Variants in ACAD11 observed in about 807,000 individuals in gnomAD.
ACAD11 encodes acyl-Coenzyme A dehydrogenase family, member 11.
ACAD11 carries 83 observed loss-of-function variants against 102.2 expected under a neutral mutation model. That is an observed-to-expected ratio of 0.81 (90% CI 0.68 to 0.97). ACAD11 has a LOEUF of 0.97. Ranked by LOEUF, ACAD11 falls within the 50% of genes least tolerant of loss-of-function variation. The pLI, the probability that ACAD11 is intolerant of heterozygous loss-of-function variation, is 0.00. For synonymous variants in ACAD11, 324 were observed against 319.8 expected, an observed-to-expected ratio of 1.01 and a Z score of -0.14; for missense variants, 901 against 951.7, an observed-to-expected ratio of 0.95 and a Z score of 0.70.
At chr3:132,605,299 T>C in intron 11 of ACAD11, 94 bp from the exon 12 acceptor site, 3 of 721,144 alleles carry the variant, frequency 4.2e-6, no homozygotes, top group Non-Finnish European at 6.7e-6. Context: ...TGCATCTTTT[T>C]AAAGCAAATG....
rs1940404800 is a variant in ACAD11 at position 132,639,553 on chromosome 3, T to C, written c.641A>G (p.Asn214Ser). 2.5e-6 allele frequency: 4 copies of C among 1,613,968 alleles called. No homozygotes were observed. The highest frequency in any genetic ancestry group is 1.1e-5 in the South Asian group (1 of 91,056). ...ATCTCCATGAATCAAATTCTCTTCATTGTCATTATCGGGCAAGTTCTTCAT... is the reference window on the plus strand; with the variant it reads ...ATCTCCATGAATCAAATTCTCTTCACTGTCATTATCGGGCAAGTTCTTCAT... The part of the protein sequence containing the change: ...WLMKNLPDND[N>S]EENLIHGDFR... The change falls in exon 5 of 20, where the codon AAT becomes AGT. Residue 214 changes from asparagine (N) to serine (S), a missense_variant. Asn to Ser is a conservative substitution (Grantham distance 46). Transcript: ENST00000264990.
chr3:132,578,877 T>G lies in ACAD11; in HGVS notation c.1693A>C (p.Lys565Gln). ...GGAACAAGAATCATGCTGTGCTGTT[T>G]GTGTCTAGTCAAAAGAAAAATTGTA... ...RTQNTSLSRH[K>Q]QHSMILVPMN... The change falls in exon 15 of 20, where the codon AAA becomes CAA. Residue 565 changes from lysine to glutamine, a missense_variant. Physicochemically the swap from Lys to Gln is moderately conservative, Grantham distance 53. Transcript: ENST00000264990. 6.2e-7 allele frequency: 1 copy of G among 1,612,274 alleles called. No individual in the cohort carries two copies. The highest frequency in any genetic ancestry group is 8.5e-7 in the Non-Finnish European group (1 of 1,178,894).
intron 11 of ACAD11, among the ~76,000 whole-genome samples, chr3:132,609,902 C>T (rs1939044624): frequency 6.6e-6 from 1 of 152,098 alleles, no homozygotes; most frequent in African/African-American, 2.4e-5. Flanking sequence ...AAACCAAATC[C>T]AGCAACACAT....
At chr3:132,607,602 C>T (rs1938905693) in intron 11 of ACAD11, among the ~76,000 whole-genome samples, 3 of 152,072 alleles carry the variant, frequency 2.0e-5, no homozygotes, top group South Asian at 4.1e-4. Context: ...ATGAACAAAG[C>T]CTCCAAAAAA....
chr3:132,562,486 T>C (rs1467779030), intron 17 of ACAD11, among the ~76,000 whole-genome samples: 2 of 152,208 alleles, frequency 1.3e-5, no homozygotes, highest in African/African-American at 4.8e-5. Context: ...AGTAGAATTG[T>C]TGGGTCAGTG....
chr3:132,571,144 A>T (rs1937363574), intron 17 of ACAD11, among the ~76,000 whole-genome samples: 1 of 152,098 alleles, frequency 6.6e-6, no homozygotes, highest in South Asian at 2.1e-4. Context: ...CTTTTTCTCC[A>T]CAACCTCACC....
At chr3:132,603,393 T>C (rs1938699740) in intron 12 of ACAD11, 66 bp from the exon 13 acceptor site, 5 of 1,417,476 alleles carry the variant, frequency 3.5e-6, no homozygotes, top group East Asian at 2.3e-5. Flanking sequence ...GATAAGGATA[T>C]GAAAACTTTA....
chr3:132,588,866 T>C (rs777737354), intron 13 of ACAD11, among the ~76,000 whole-genome samples: 10 of 152,224 alleles, frequency 6.6e-5, no homozygotes, highest in Non-Finnish European at 1.3e-4. Context: ...TACAGAAATA[T>C]GTCCTTTTGA....
Position 132,590,536 on chromosome 3 carries a change from C to T in ACAD11, c.1622-10978G>A, listed in dbSNP as rs551861641. 5.3e-5 allele frequency among the ~76,000 whole-genome samples: 8 copies of T among 152,300 alleles called. No homozygotes were observed. The East Asian group carries it at 7.7e-4, about 15-fold the overall frequency. On this transcript the variant is annotated intron_variant, in intron 13 of 19. Transcript: ENST00000264990. Reference sequence around the variant, plus strand: ...TGCTGGGATTACAGGCATGATCCACCGTGCCCGGCCAGTAGTTCTGTATTT... The same window carrying T: ...TGCTGGGATTACAGGCATGATCCACTGTGCCCGGCCAGTAGTTCTGTATTT...
chr3:132,591,817 G>T (rs549616327), intron 13 of ACAD11, among the ~76,000 whole-genome samples: 1 of 152,170 alleles, frequency 6.6e-6, no homozygotes, highest in East Asian at 1.9e-4. Flanking sequence ...CTTGAGCCCC[G>T]GGAAGTCAAG....
At chr3:132,606,601 C>T (rs1265489773) in intron 11 of ACAD11, among the ~76,000 whole-genome samples, 1 of 152,216 alleles carries the variant, frequency 6.6e-6, no homozygotes, top group Non-Finnish European at 1.5e-5. Context: ...CTGGGCAGGG[C>T]ATCTCTAAAA....
At chr3:132,566,891 A>C (rs1937230524) in intron 17 of ACAD11, among the ~76,000 whole-genome samples, 1 of 152,216 alleles carries the variant, frequency 6.6e-6, no homozygotes, top group African/African-American at 2.4e-5. Context: ...CTTCTCTAAA[A>C]TTTTCTAAAG....
intron 5 of ACAD11, among the ~76,000 whole-genome samples, chr3:132,632,292 C>T (rs955125590): frequency 7.2e-5 from 11 of 151,846 alleles, no homozygotes; most frequent in African/African-American, 2.2e-4. Context: ...TCACCATGTT[C>T]GCCAGGATGG....
rs937886635 is a variant in ACAD11, at chr3:132,575,677, T to C, written c.2001+95A>G. 7 of 1,445,844 alleles carry C rather than the reference T, an allele frequency of 4.8e-6. No individual in the cohort carries two copies. In the African/African-American group the frequency reaches 5.6e-5, roughly 12 times the overall value. The allele number at this position is 1,445,844 out of a possible 1,614,324, so 89.6% of individuals were successfully genotyped here. On this transcript the variant is annotated intron_variant, in intron 17 of 19. Transcript: ENST00000264990. ...TTATTGAAAAGAATCACCCGGTTCA[T>C]GTAGAGAAAGTCTGTCTCTCACAAG...
rs539169735 is a variant in ACAD11, at chr3:132,577,930, T to A, written c.1774+866A>T. ...ATGCAATTTTCTCCAGCAAGCTTGC[T>A]CATCCCATCTTGCCACCTATGCTTA... On this transcript the variant is annotated intron_variant, in intron 15 of 19. Transcript: ENST00000264990. Among the ~76,000 whole-genome samples, 5 of 152,338 alleles carry A rather than the reference T, an allele frequency of 3.3e-5. No individual in the cohort carries two copies. The East Asian group carries it at 9.6e-4, about 29-fold the overall frequency.
Position 132,577,030 on chromosome 3 carries a change from A to G in ACAD11, c.1775-15T>C, listed in dbSNP as rs1937534041. On this transcript the variant is annotated splice_polypyrimidine_tract_variant and intron_variant, in intron 15 of 19. Transcript: ENST00000264990. The stretch of plus-strand genomic sequence containing the variant: ...ATGAAAATTATCTATAAAATAGAAA[A>G]TAAAATTTAGAGCAAAAGGAGTTGA... 6.5e-7 allele frequency: 1 copy of G among 1,537,508 alleles called. No individual in the cohort carries two copies. The highest frequency in any genetic ancestry group is 9.0e-7 in the Non-Finnish European group (1 of 1,116,876).
intron 5 of ACAD11, among the ~76,000 whole-genome samples, chr3:132,632,857 A>G (rs1280068063): frequency 1.3e-5 from 2 of 152,044 alleles, no homozygotes; most frequent in African/African-American, 4.8e-5. Context: ...ATGGGAGTTC[A>G]CTCATGATTT....
At chr3:132,582,846 T>G (rs1202869996) in intron 13 of ACAD11, among the ~76,000 whole-genome samples, 3 of 152,126 alleles carry the variant, frequency 2.0e-5, no homozygotes, top group African/African-American at 7.2e-5. Flanking sequence ...GCTTTCTCCA[T>G]AGTCACAGCC....
At chr3:132,582,578 A>C (rs1382081896) in intron 13 of ACAD11, among the ~76,000 whole-genome samples, 1 of 152,024 alleles carries the variant, frequency 6.6e-6, no homozygotes, top group Non-Finnish European at 1.5e-5. Flanking sequence ...TTTTAATCTG[A>C]ATATCTAATC....
Sources: gnomAD v4.1 joint callset for allele counts (sites outside exome capture counted in the v4.1 genomes callset) on GRCh38, gnomAD v4.1.1 for gene constraint, MANE v1.5 for transcripts, NCBI Gene and HGNC (gene_info 2026-07-23, HGNC 2026-07-21) for gene names.